Variants in SAMD3 observed in about 807,000 individuals in gnomAD.
The protein encoded by SAMD3 is sterile alpha motif domain containing 3.
In SAMD3, 63 loss-of-function variants were observed where a neutral mutation model predicts 58.5. That is an observed-to-expected ratio of 1.08 (90% confidence interval 0.88 to 1.33). SAMD3 has a LOEUF of 1.33. Ranked by LOEUF, SAMD3 falls within the 40% of genes most tolerant of loss-of-function variation. The probability of loss-of-function intolerance (pLI) is 0.00; values close to 1 mark genes in which losing one functional copy is unlikely to be tolerated. For missense variants in SAMD3, 604 were observed against 608.4 expected, an observed-to-expected ratio of 0.99 and a Z score of 0.08; for synonymous variants, 220 against 210.3, an observed-to-expected ratio of 1.05 and a Z score of -0.40.
intron 5 of SAMD3, among the ~76,000 whole-genome samples, chr6:130,207,639 G>A (rs1374574074): frequency 6.6e-6 from 1 of 152,162 alleles, no homozygotes; most frequent in African/African-American, 2.4e-5. Context: ...ACCCATGAGT[G>A]GGAAGGAGGG....
rs151247789 is a variant in SAMD3 at position 130,355,793 on chromosome 6, A to C, written c.-304+9327T>G. On this transcript the variant is annotated intron_variant, in intron 1 of 13. Coordinates refer to the SAMD3 transcript ENST00000368134. ...TCAGAGACAAGAGGGGCAGCCCCAGAAACACCACAAGAAGAAGCAGGAGTA... is the reference window on the plus strand; with the variant it reads ...TCAGAGACAAGAGGGGCAGCCCCAGCAACACCACAAGAAGAAGCAGGAGTA... Among the ~76,000 whole-genome samples, 12 of 152,334 alleles carry C rather than the reference A, an allele frequency of 7.9e-5. No individual in the cohort carries two copies. The East Asian group carries it at 2.3e-3, about 29-fold the overall frequency.
chr6:130,152,112 C>A (rs1412220842), intron 9 of SAMD3, among the ~76,000 whole-genome samples: 1 of 152,050 alleles, frequency 6.6e-6, no homozygotes, highest in African/African-American at 2.4e-5. Context: ...CCACCGCCCA[C>A]CCCGGCTGCT....
chr6:130,205,777 C>A (rs985541861), intron 5 of SAMD3, among the ~76,000 whole-genome samples: 9 of 152,106 alleles, frequency 5.9e-5, no homozygotes, highest in Admixed American at 1.3e-4. Context: ...CAGTCAAGCA[C>A]GAGATTAAGT....
At chr6:130,314,380 A>G (rs1776288271) in intron 1 of SAMD3, among the ~76,000 whole-genome samples, 1 of 152,232 alleles carries the variant, frequency 6.6e-6, no homozygotes, top group South Asian at 2.1e-4. Flanking sequence ...CCCATTATAA[A>G]TTTCAAATAG....
At chr6:130,262,365 T>G (rs1005165705) in intron 2 of SAMD3, among the ~76,000 whole-genome samples, 57 of 151,704 alleles carry the variant, frequency 3.8e-4, no homozygotes, top group African/African-American at 1.4e-3. Flanking sequence ...CTAGTTCAGT[T>G]CAGAGCTATC....
chr6:130,351,700 A>G (rs991734842), intron 1 of SAMD3, among the ~76,000 whole-genome samples: 1 of 152,224 alleles, frequency 6.6e-6, no homozygotes, highest in African/African-American at 2.4e-5. Flanking sequence ...TGACCCACCC[A>G]TCCCATTACT....
intron 5 of SAMD3, among the ~76,000 whole-genome samples, chr6:130,185,369 G>T (rs938592528): frequency 2.0e-5 from 3 of 151,788 alleles, no homozygotes; most frequent in African/African-American, 4.8e-5. Context: ...TCACTCTGTC[G>T]CCAGGCTGGA....
chr6:130,345,573 T>C lies in SAMD3; in HGVS notation c.-304+19547A>G, dbSNP rs954931545. Among the ~76,000 whole-genome samples, 7 of 151,988 alleles carry C rather than the reference T, an allele frequency of 4.6e-5. No homozygotes were observed. In the East Asian group the frequency reaches 1.4e-3, roughly 29 times the overall value. ...GTTTGGGGGACATGGGGATAAGGAC[T>C]GTGTCCAAGTCTCCTGAAACACCCC... is the stretch of plus-strand genomic sequence containing the variant. On this transcript the variant is annotated intron_variant, in intron 1 of 13. Transcript: ENST00000368134.
intron 2 of SAMD3, among the ~76,000 whole-genome samples, chr6:130,265,581 A>G (rs148137894): frequency 6.6e-6 from 1 of 152,298 alleles, no homozygotes; most frequent in Non-Finnish European, 1.5e-5. Context: ...TTATAAGTGT[A>G]CTGGAACCCT....
chr6:130,142,892 G>C (rs1052010216), downstream of SAMD3: 2 of 152,214 alleles, frequency 1.3e-5, no homozygotes, highest in Non-Finnish European at 2.9e-5. Flanking sequence ...GAGTAATTTG[G>C]GGAAATAAAG....
At chr6:130,293,736 G>A (rs1775463125) in intron 2 of SAMD3, among the ~76,000 whole-genome samples, 1 of 151,416 alleles carries the variant, frequency 6.6e-6, no homozygotes, top group African/African-American at 2.4e-5. Context: ...GAAGTGAGTG[G>A]ATTGTGTCAC....
At chr6:130,258,124 T>C (rs1773986419) in intron 2 of SAMD3, among the ~76,000 whole-genome samples, 1 of 152,184 alleles carries the variant, frequency 6.6e-6, no homozygotes, top group Non-Finnish European at 1.5e-5. Context: ...ATGTTTTGAC[T>C]ATTATCAATA....
chr6:130,242,709 A>G (rs1419311492), intron 2 of SAMD3, among the ~76,000 whole-genome samples: 1 of 152,224 alleles, frequency 6.6e-6, no homozygotes, highest in East Asian at 1.9e-4. Context: ...GGCCTGTCCA[A>G]AGAGCTCTCC....
chr6:130,177,766 A>G (rs1791869163), intron 7 of SAMD3, among the ~76,000 whole-genome samples: 1 of 151,434 alleles, frequency 6.6e-6, no homozygotes, highest in Admixed American at 6.6e-5. Flanking sequence ...CCTCTAGGCT[A>G]TAAGCACATA....
At chr6:130,355,682 G>C (rs773570623) in intron 1 of SAMD3, among the ~76,000 whole-genome samples, 1 of 152,172 alleles carries the variant, frequency 6.6e-6, no homozygotes, top group Non-Finnish European at 1.5e-5. Context: ...TTGTGCTTCA[G>C]TGGGGTAGTC....
At chr6:130,338,665 G>A (rs1016126956) in intron 1 of SAMD3, among the ~76,000 whole-genome samples, 4 of 152,210 alleles carry the variant, frequency 2.6e-5, no homozygotes, top group African/African-American at 9.6e-5. Context: ...TGGAGTCAAG[G>A]GAGATTATTT....
intron 2 of SAMD3, among the ~76,000 whole-genome samples, chr6:130,273,195 A>G (rs1234793203): frequency 1.3e-5 from 2 of 151,996 alleles, no homozygotes; most frequent in Non-Finnish European, 2.9e-5. Context: ...AAATGATGGT[A>G]GGTGCACACA....
At chr6:130,365,353 C>G (rs187222175) in exon 1 of SAMD3, 88 of 985,658 alleles carry the variant, frequency 8.9e-5, no homozygotes, top group African/African-American at 1.4e-4. Flanking sequence ...TCTCGCCCCC[C>G]CAAGCCGTTC....
At chr6:130,298,779 G>T (rs1583067729) in intron 2 of SAMD3, among the ~76,000 whole-genome samples, 1 of 152,206 alleles carries the variant, frequency 6.6e-6, no homozygotes, top group East Asian at 1.9e-4. Flanking sequence ...ATAAAGGGAT[G>T]GAGAAAGATC....
Sources: allele counts gnomAD v4.1 joint callset (sites outside exome capture counted in the v4.1 genomes callset), GRCh38; gene constraint gnomAD v4.1.1; transcripts MANE v1.5; gene names NCBI Gene and HGNC (gene_info 2026-07-23, HGNC 2026-07-21).